Variants in MIPOL1 observed in about 807,000 individuals in gnomAD.
The protein encoded by MIPOL1 is mirror-image polydactyly 1, also known as mirror-image polydactyly gene 1 protein.
MIPOL1 carries 57 observed loss-of-function variants against 60.9 expected under a neutral mutation model. The ratio of observed to expected loss-of-function variants is 0.94; its 90% CI spans 0.76 to 1.17. The LOEUF is 1.17. Ranked by LOEUF, MIPOL1 falls within the 50% of genes most tolerant of loss-of-function variation. The pLI is 0.00. For synonymous variants in MIPOL1, 179 were observed against 168.8 expected (o/e 1.06, Z -0.47); for missense variants, 551 against 511.6 (o/e 1.08, Z -0.74).
intron 9 of MIPOL1, among the ~76,000 whole-genome samples, chr14:37,358,716 G>C (rs777545496): frequency 5.3e-5 from 8 of 152,024 alleles, no homozygotes; most frequent in Non-Finnish European, 8.8e-5. Flanking sequence ...AAATTTCTTT[G>C]TAGATTCTGG....
chr14:37,368,577 A>G (rs2092549654), intron 9 of MIPOL1, among the ~76,000 whole-genome samples: 1 of 152,044 alleles, frequency 6.6e-6, no homozygotes. Context: ...TGTCCTTATT[A>G]GTTGTTTTGT....
At chr14:37,525,778 T>G (rs1442489136) in intron 12 of MIPOL1, among the ~76,000 whole-genome samples, 2 of 152,226 alleles carry the variant, frequency 1.3e-5, no homozygotes, top group Non-Finnish European at 2.9e-5. Flanking sequence ...TTCAGAGCTT[T>G]CTGAACTTTG....
intron 1 of MIPOL1, among the ~76,000 whole-genome samples, chr14:37,230,058 G>A (rs1970376108): frequency 6.6e-6 from 1 of 152,066 alleles, no homozygotes. Context: ...TGCTAAGAGA[G>A]TAGATTTTGT....
At chr14:37,525,337 C>A (rs539690189) in intron 12 of MIPOL1, among the ~76,000 whole-genome samples, 1 of 152,106 alleles carries the variant, frequency 6.6e-6, no homozygotes, top group African/African-American at 2.4e-5. Context: ...CATCTTTCTC[C>A]GACTTGGGTG....
chr14:37,206,483 A>G (rs922859781), intron 1 of MIPOL1, among the ~76,000 whole-genome samples: 1 of 152,228 alleles, frequency 6.6e-6, no homozygotes, highest in Non-Finnish European at 1.5e-5. Flanking sequence ...CTGGTAGGGC[A>G]GTGCATAAGG....
chr14:37,298,321 C>T (rs1307778550), intron 7 of MIPOL1, among the ~76,000 whole-genome samples: 1 of 151,606 alleles, frequency 6.6e-6, no homozygotes, highest in African/African-American at 2.4e-5. Context: ...TAAAGACTTA[C>T]ATGTTAGACC....
chr14:37,339,596 T>C (rs113227672), intron 9 of MIPOL1, among the ~76,000 whole-genome samples: 15 of 152,354 alleles, frequency 9.8e-5, no homozygotes, highest in African/African-American at 2.9e-4. Context: ...AATTGTGGTA[T>C]ATGCATAAAA....
At chr14:37,292,697 T>G (rs1158812406) in intron 7 of MIPOL1, among the ~76,000 whole-genome samples, 1 of 151,772 alleles carries the variant, frequency 6.6e-6, no homozygotes, top group Non-Finnish European at 1.5e-5. Context: ...ACCAGGCTGG[T>G]CTCAAACTCC....
intron 11 of MIPOL1, among the ~76,000 whole-genome samples, chr14:37,432,294 T>C (rs2094085508): frequency 6.6e-6 from 1 of 152,226 alleles, no homozygotes; most frequent in Non-Finnish European, 1.5e-5. Flanking sequence ...AATAGTTCTA[T>C]GAATATGTGT....
chr14:37,469,434 C>T (rs922839891), intron 11 of MIPOL1, among the ~76,000 whole-genome samples: 1 of 151,986 alleles, frequency 6.6e-6, no homozygotes, highest in Non-Finnish European at 1.5e-5. Context: ...GAGAAACCAC[C>T]CCCATTATCT....
At chr14:37,243,073 A>G (rs570670179) in intron 1 of MIPOL1, among the ~76,000 whole-genome samples, 1 of 152,372 alleles carries the variant, frequency 6.6e-6, no homozygotes, top group South Asian at 2.1e-4. Context: ...TCTTACAAAT[A>G]AAAACTGCTG....
Position 37,285,361 on chromosome 14 carries a change from A to C in MIPOL1, c.537A>C (p.Glu179Asp). ...ATTTTGCGCAGAAGGAACGTGATGA[A>C]GCTGTTATGTCTAGACTGCAATTAG... ...EVYFAQKERDEAVMSRLQLAI... is the reference protein window; with the variant it reads ...EVYFAQKERDDAVMSRLQLAI... Residue 179 changes from glutamate to aspartate, a missense_variant, in exon 7 of 13, where the codon GAA becomes GAC. Transcript: ENST00000684589. 6.2e-7 allele frequency: 1 copy of C among 1,614,004 alleles called. No homozygotes were observed. The highest frequency in any genetic ancestry group is 1.3e-5 in the African/African-American group (1 of 75,018).
intron 11 of MIPOL1, among the ~76,000 whole-genome samples, chr14:37,491,403 C>T (rs2095046009): frequency 6.6e-6 from 1 of 152,080 alleles, no homozygotes; most frequent in African/African-American, 2.4e-5. Flanking sequence ...GTGGCATGTG[C>T]CTGTAGTCTC....
intron 10 of MIPOL1, among the ~76,000 whole-genome samples, chr14:37,414,522 C>T (rs937008217): frequency 2.6e-5 from 4 of 152,154 alleles, no homozygotes; most frequent in African/African-American, 4.8e-5. Context: ...CTCATTACTT[C>T]AAATATTCCA....
intron 1 of MIPOL1, among the ~76,000 whole-genome samples, chr14:37,246,562 C>A (rs547055392): frequency 2.0e-5 from 3 of 152,220 alleles, no homozygotes; most frequent in African/African-American, 7.2e-5. Flanking sequence ...ATCAGTCTTA[C>A]AAAAGAATTT....
intron 9 of MIPOL1, among the ~76,000 whole-genome samples, chr14:37,334,499 C>T (rs1295184813): frequency 6.6e-6 from 1 of 151,908 alleles, no homozygotes; most frequent in Non-Finnish European, 1.5e-5. Flanking sequence ...TTGTTTTTTA[C>T]ATTTTTAACA....
At chr14:37,466,570 AT>A (rs2094600872) in intron 11 of MIPOL1, among the ~76,000 whole-genome samples, 1 of 152,200 alleles carries the variant, frequency 6.6e-6, no homozygotes. Flanking sequence ...ATGCAATGCC[AT>A]TGATTAGCTA....
rs76495279 is a variant in MIPOL1, at chr14:37,245,349, C to T, written c.-198-1754C>T. 2.3e-3 allele frequency among the ~76,000 whole-genome samples: 350 copies of T among 152,196 alleles called. 1 individual carries two copies. Among genetic ancestry groups the T allele is most frequent in the African/African-American group, 8.1e-3 (338 of 41,544 alleles). ...TAAAGAAGAAAGATGCATGAATGGT[C>T]ATTTAAGAGGATTTAAACACATTGG... On this transcript the variant is annotated intron_variant, in intron 1 of 12. Coordinates refer to ENST00000684589, the MANE Select transcript of MIPOL1 (RefSeq NM_001388067.1).
chr14:37,386,952 A>G (rs1229817303), intron 10 of MIPOL1, among the ~76,000 whole-genome samples: 1 of 151,964 alleles, frequency 6.6e-6, no homozygotes, highest in Non-Finnish European at 1.5e-5. Context: ...TTTTCCCAAC[A>G]GAGCCAATTG....
Sources: gnomAD v4.1 joint callset for allele counts (sites outside exome capture counted in the v4.1 genomes callset) on GRCh38, gnomAD v4.1.1 for gene constraint, MANE v1.5 for transcripts, NCBI Gene and HGNC (gene_info 2026-07-23, HGNC 2026-07-21) for gene names.